Variants in C1QL4 observed in about 807,000 individuals in gnomAD.
The protein encoded by C1QL4 is complement C1q like 4, also known as complement C1q-like protein 4.
C1QL4 carries 5 observed loss-of-function variants against 13.4 expected under a neutral mutation model. The ratio of observed to expected loss-of-function variants is 0.37; its 90% CI spans 0.19 to 0.78. The LOEUF (loss-of-function observed/expected upper bound fraction) is 0.78, where lower values mean the gene tolerates loss of function less well. Ranked by LOEUF, C1QL4 falls within the 30% of genes least tolerant of loss-of-function variation. The pLI, the probability that C1QL4 is intolerant of heterozygous loss-of-function variation, is 0.47. For synonymous variants in C1QL4, 168 were observed against 153.9 expected, an observed-to-expected ratio of 1.09 and a Z score of -0.68; for missense variants, 367 against 361.6, an observed-to-expected ratio of 1.01 and a Z score of -0.12.
At chr12:49,335,826 C>A in intron 1 of C1QL4, 115 bp downstream of exon 1, 2 of 1,307,740 alleles carry the variant, frequency 1.5e-6, no homozygotes, top group Non-Finnish European at 2.1e-6. Flanking sequence ...TTGGCAGCCT[C>A]GCGTTCCTGG....
chr12:49,337,004 T>A lies in C1QL4; in HGVS notation c.-527A>T, dbSNP rs1943639101. The stretch of plus-strand genomic sequence containing the variant: ...GTCCCGGGCTCTGAGCTGCGGGTGC[T>A]GCTCACCGGGCGCGATCTCCTAGTA... On this transcript the variant is annotated 5_prime_UTR_variant, in exon 1 of 2. Coordinates refer to ENST00000334221, the MANE Select transcript of C1QL4 (RefSeq NM_001008223.2). 1 of 152,790 alleles carries A rather than the reference T, an allele frequency of 6.5e-6. No homozygotes were observed. The highest frequency in any genetic ancestry group is 6.5e-5 in the Admixed American group (1 of 15,294). 9.5% of individuals were successfully genotyped at this position (152,790 alleles called of 1,614,324 possible).
rs1359935953 is a variant in C1QL4, at chr12:49,336,343, C to A, written c.135G>T (p.Ala45=). The A allele has an allele frequency of 2.1e-6, 3 of 1,426,564 alleles. No homozygotes were observed. The highest frequency in any genetic ancestry group is 2.7e-5 in the East Asian group (1 of 37,064). The allele number at this position is 1,426,564 out of a possible 1,614,324, so 88.4% of individuals were successfully genotyped here. ...HGPRGPGPDG[A]PASVPPFPPG... is the part of the protein sequence containing the mutation. ...GCGGGAAGGGGGGCACGGAAGCAGG[C>A]GCGCCGTCGGGACCAGGGCCACGGG... The change falls in exon 1 of 2, where the codon GCG becomes GCT. Residue 45 remains alanine, a synonymous_variant. Coordinates refer to ENST00000334221, the MANE Select transcript of C1QL4 (RefSeq NM_001008223.2). The surrounding 1 kb of genome is among the most constrained non-coding windows in gnomAD (Gnocchi z 7.7).
intron 1 of C1QL4, among the ~76,000 whole-genome samples, chr12:49,334,321 C>T (rs1261909950): frequency 6.6e-6 from 1 of 152,168 alleles, no homozygotes; most frequent in Non-Finnish European, 1.5e-5. Context: ...TGTGCCTGTG[C>T]GTGTGCATAG....
Position 49,332,994 on chromosome 12 carries a change from G to T in C1QL4, c.*60C>A. Reference sequence around the variant, plus strand: ...GTGGGGTGGCGCCTCGGGTGGGGCGGGCAGGAGGTGGGTGAGGACGGGAGA... The same window carrying T: ...GTGGGGTGGCGCCTCGGGTGGGGCGTGCAGGAGGTGGGTGAGGACGGGAGA... On this transcript the variant is annotated 3_prime_UTR_variant, in exon 2 of 2. Transcript: ENST00000334221. 1 of 1,497,762 alleles carries T rather than the reference G, an allele frequency of 6.7e-7. No homozygotes were observed. Among genetic ancestry groups the T allele is most frequent in the Non-Finnish European group, 9.0e-7 (1 of 1,109,998 alleles). 92.8% of individuals were successfully genotyped at this position (1,497,762 alleles called of 1,614,324 possible).
chr12:49,335,979 C>A lies in C1QL4; in HGVS notation c.499G>T (p.Gly167Cys), dbSNP rs755705007. 6.2e-7 allele frequency: 1 copy of A among 1,608,192 alleles called. No homozygotes were observed. The highest frequency in any genetic ancestry group is 1.7e-5 in the Admixed American group (1 of 59,474). Residue 167 changes from glycine (G) to cysteine (C), a missense_variant, in exon 1 of 2, where the codon GGC (glycine) becomes TGC (cysteine). Transcript: ENST00000334221. ...ATGAGGTCGGCCCACATGCTGGTGC[C>A]GTCGCCGCCGCGCATGAGCACGTGG... is the stretch of plus-strand genomic sequence containing the variant. ...AYHVLMRGGD[G>C]TSMWADLMKN...
intron 1 of C1QL4, 109 bp downstream of exon 1, chr12:49,335,832 C>G: frequency 1.5e-6 from 2 of 1,362,002 alleles, no homozygotes; most frequent in Admixed American, 2.2e-5. Flanking sequence ...GCCTCGCGTT[C>G]CTGGATTCAG....
Position 49,336,947 on chromosome 12 carries a change from A to G in C1QL4, c.-470T>C, listed in dbSNP as rs1943638633. On this transcript the variant is annotated 5_prime_UTR_variant, in exon 1 of 2. Coordinates refer to ENST00000334221, the MANE Select transcript of C1QL4 (RefSeq NM_001008223.2). The surrounding 1 kb of genome is among the most constrained non-coding windows in gnomAD (Gnocchi z 7.7). ...GACTGCCCAGATAGACCACTCCCTG[A>G]TGGAGAGGGGACTGCTCCCCGCGCT... The G allele has an allele frequency of 6.4e-6, 1 of 155,670 alleles. No homozygotes were observed. Among genetic ancestry groups the G allele is most frequent in the Admixed American group, 6.5e-5 (1 of 15,360 alleles). The allele number at this position is 155,670 out of a possible 1,614,324, so 9.6% of individuals were successfully genotyped here.
chr12:49,334,599 G>A (rs1943617346), intron 1 of C1QL4, among the ~76,000 whole-genome samples: 1 of 152,168 alleles, frequency 6.6e-6, no homozygotes, highest in Non-Finnish European at 1.5e-5. Context: ...CCGCACTGAA[G>A]AATACAGAGT....
At position 49,336,506 on chromosome 12, in the gene C1QL4, C is replaced by T. The variant is rs767220716; in HGVS notation, c.-29G>A. On this transcript the variant is annotated 5_prime_UTR_variant, in exon 1 of 2. Transcript: ENST00000334221. The surrounding 1 kb of genome is among the most constrained non-coding windows in gnomAD (Gnocchi z 7.7). Reference sequence around the variant, plus strand: ...CACTCCGACGGCCGCGCCCGCCACCCTCTTGCGGCGGCTCAGCCGCGACGC... The same window carrying T: ...CACTCCGACGGCCGCGCCCGCCACCTTCTTGCGGCGGCTCAGCCGCGACGC... 1 of 1,472,034 alleles carries T rather than the reference C, an allele frequency of 6.8e-7. No individual in the cohort carries two copies. The allele number at this position is 1,472,034 out of a possible 1,614,324, so 91.2% of individuals were successfully genotyped here. A position where few individuals can be genotyped will look rare whatever the true frequency, so the allele number is the denominator to read the frequency against.
intron 1 of C1QL4, among the ~76,000 whole-genome samples, chr12:49,333,757 C>T (rs567265273): frequency 2.4e-4 from 36 of 151,300 alleles, no homozygotes; most frequent in South Asian, 1.3e-3. Context: ...AGGCTGGTCT[C>T]GAACTCCTGA....
chr12:49,334,644 G>T (rs12581343), intron 1 of C1QL4, among the ~76,000 whole-genome samples: 11 of 151,932 alleles, frequency 7.2e-5, no homozygotes, highest in African/African-American at 2.7e-4. Context: ...TCTGAAACCC[G>T]CACGAATTAG....
At chr12:49,333,984 G>A (rs940404606) in intron 1 of C1QL4, among the ~76,000 whole-genome samples, 1 of 151,408 alleles carries the variant, frequency 6.6e-6, no homozygotes, top group Non-Finnish European at 1.5e-5. Flanking sequence ...ATCTGAGATC[G>A]GGAGTTCGAG....
intron 1 of C1QL4, among the ~76,000 whole-genome samples, chr12:49,334,981 C>A (rs535724872): frequency 6.6e-6 from 1 of 152,354 alleles, no homozygotes; most frequent in African/African-American, 2.4e-5. Context: ...GGTCACCACT[C>A]AGCCCCAACC....
rs1943640187 is a variant in C1QL4 at position 49,337,116 on chromosome 12, CCT to C, written c.-641_-640del. The C allele has an allele frequency of 6.6e-6, 1 of 152,282 alleles. No individual in the cohort carries two copies. Among genetic ancestry groups the C allele is most frequent in the South Asian group, 2.1e-4 (1 of 4,832 alleles). 9.4% of individuals were successfully genotyped at this position (152,282 alleles called of 1,614,324 possible). ...GTCCCTGCTAGAGCCCTGGCCCGCG[CCT>C]CTCTCCTGCGGGCGCGGTCCCTCTC... On this transcript the variant is annotated 5_prime_UTR_variant, in exon 1 of 2. Transcript: ENST00000334221.
rs552938255 is a variant in C1QL4, at chr12:49,333,978, G to A, written c.538-745C>T. 2.0e-5 allele frequency among the ~76,000 whole-genome samples: 3 copies of A among 151,986 alleles called. No individual in the cohort carries two copies. The South Asian group carries it at 6.3e-4, about 32-fold the overall frequency. On this transcript the variant is annotated intron_variant, in intron 1 of 1. Coordinates refer to ENST00000334221, the MANE Select transcript of C1QL4 (RefSeq NM_001008223.2). ...GGAGGCCGAGGCCGGCAGATCATCT[G>A]AGATCGGGAGTTCGAGACCGGCCTG...
rs1359515473 is a variant in C1QL4 at position 49,336,140 on chromosome 12, T to C, written c.338A>G (p.Tyr113Cys). The C allele has an allele frequency of 6.2e-7, 1 of 1,610,018 alleles. No homozygotes were observed. Among genetic ancestry groups the C allele is most frequent in the Admixed American group, 1.7e-5 (1 of 59,918 alleles). Residue 113 changes from tyrosine (Y) to cysteine (C), a missense_variant, in exon 1 of 2, where the codon TAC (tyrosine) becomes TGC (cysteine). Coordinates refer to ENST00000334221, the MANE Select transcript of C1QL4 (RefSeq NM_001008223.2). The surrounding 1 kb of genome is among the most constrained non-coding windows in gnomAD (Gnocchi z 7.7). ...CTCGTGGGGCCGCCGCAGGCCCGCG[T>C]AGAAAGCAATGCGAGGCACGTAGCC... ...AAGYVPRIAFYAGLRRPHEGY... is the reference protein window; with the variant it reads ...AAGYVPRIAFCAGLRRPHEGY...
In C1QL4 at chr12:49,336,624, C is replaced by T; in HGVS notation, c.-147G>A. The T allele has an allele frequency of 1.1e-6, 1 of 937,576 alleles. No homozygotes were observed. The highest frequency in any genetic ancestry group is 2.2e-5 in the South Asian group (1 of 46,114). The allele number at this position is 937,576 out of a possible 1,614,324, so 58.1% of individuals were successfully genotyped here. A position where few individuals can be genotyped will look rare whatever the true frequency, so the allele number is the denominator to read the frequency against. Reference sequence around the variant, plus strand: ...CCAGGAGGCGGTGACCCGCCTTGGGCCTGGGTCTGCACTCCCCCGACGGCT... The same window carrying T: ...CCAGGAGGCGGTGACCCGCCTTGGGTCTGGGTCTGCACTCCCCCGACGGCT... On this transcript the variant is annotated 5_prime_UTR_variant, in exon 1 of 2. Transcript: ENST00000334221. The surrounding 1 kb of genome is among the most constrained non-coding windows in gnomAD (Gnocchi z 7.7).
Position 49,336,220 on chromosome 12 carries a change from C to A in C1QL4, c.258G>T (p.Arg86Ser). The A allele has an allele frequency of 1.3e-6, 2 of 1,506,032 alleles. No homozygotes were observed. The highest frequency in any genetic ancestry group is 2.4e-5 in the East Asian group (1 of 41,258). 93.3% of individuals were successfully genotyped at this position (1,506,032 alleles called of 1,614,324 possible). Residue 86 changes from arginine (R) to serine (S), a missense_variant, in exon 1 of 2, where the codon AGG becomes AGT. By Grantham distance (110) the Arg-to-Ser change is moderately radical. Coordinates refer to ENST00000334221, the MANE Select transcript of C1QL4 (RefSeq NM_001008223.2). This position sits in a 1 kb window ranked among gnomAD's most constrained non-coding sequence, Gnocchi z 7.7. ...GACCGGGAGGGCCCGGGGGGCCTGGCCTGCCGGGTTCTCCTGGGGGCCCTC... is the reference window on the plus strand; with the variant it reads ...GACCGGGAGGGCCCGGGGGGCCTGGACTGCCGGGTTCTCCTGGGGGCCCTC... The part of the protein sequence containing the change: ...GPRGPPGEPG[R>S]PGPPGPPGPG...
Position 49,333,120 on chromosome 12 carries a change from C to G in C1QL4, c.651G>C (p.Gly217=). Residue 217 remains glycine (G), a synonymous_variant, in exon 2 of 2, where the codon GGG becomes GGC. Coordinates refer to ENST00000334221, the MANE Select transcript of C1QL4 (RefSeq NM_001008223.2). ...TGTTGGTGTTGCCGCCGTGCACTTT[C>G]CCGCCGTCCAGCTTGATGAAGACCT... ...GDEVFIKLDG[G]KVHGGNTNKY... The G allele has an allele frequency of 6.2e-7, 1 of 1,614,130 alleles. No individual in the cohort carries two copies.
Sources: gnomAD v4.1 joint callset for allele counts (sites outside exome capture counted in the v4.1 genomes callset) on GRCh38, gnomAD v4.1.1 for gene constraint, Gnocchi (gnomAD v3.1) non-coding constraint, MANE v1.5 for transcripts, NCBI Gene and HGNC (gene_info 2026-07-23, HGNC 2026-07-21) for gene names.